RHBDL3: variants seen among roughly 807,000 people sequenced by gnomAD.
RHBDL3 encodes the protein rhomboid-related protein 3.
A neutral mutation model predicts 48.2 loss-of-function variants in RHBDL3; 28 were observed. The ratio of observed to expected loss-of-function variants is 0.58; its 90% CI spans 0.43 to 0.80. The LOEUF is 0.80. Ranked by LOEUF, RHBDL3 falls within the 30% of genes least tolerant of loss-of-function variation. The pLI is 0.00. For synonymous variants in RHBDL3, 208 were observed against 232.3 expected (o/e 0.90, Z 0.95); for missense variants, 464 against 542.7 (o/e 0.85, Z 1.44).
chr17:32,270,491 G>A (rs928534687), intron 2 of RHBDL3, among the ~76,000 whole-genome samples: 1 of 152,046 alleles, frequency 6.6e-6, no homozygotes, highest in Admixed American at 6.6e-5. Context: ...CATGGTGTTG[G>A]TCTTGTTGGT....
chr17:32,267,834 C>T, intron 1 of RHBDL3, 68 bp from the exon 2 acceptor site: 1 of 1,612,988 alleles, frequency 6.2e-7, no homozygotes, highest in South Asian at 1.1e-5. Flanking sequence ...CTACAGAGAC[C>T]TTGGTGATAA....
intron 2 of RHBDL3, among the ~76,000 whole-genome samples, chr17:32,273,906 T>G (rs569126764): frequency 1.7e-4 from 26 of 152,192 alleles, no homozygotes; most frequent in African/African-American, 5.1e-4. Flanking sequence ...TGGCTAATTT[T>G]TGTATTTTTA....
intron 7 of RHBDL3, among the ~76,000 whole-genome samples, chr17:32,305,710 C>A (rs1038023713): frequency 3.3e-5 from 5 of 152,120 alleles, no homozygotes; most frequent in Admixed American, 1.3e-4. Flanking sequence ...AAAGAGTTAA[C>A]ATTTGGTACC....
At chr17:32,285,974 T>G (rs2040190172) in intron 3 of RHBDL3, among the ~76,000 whole-genome samples, 1 of 152,070 alleles carries the variant, frequency 6.6e-6, no homozygotes, top group Non-Finnish European at 1.5e-5. Flanking sequence ...CTGTGGGGTT[T>G]TTAGGAGTGG....
chr17:32,291,554 G>A (rs1235266421), intron 4 of RHBDL3, among the ~76,000 whole-genome samples: 1 of 151,000 alleles, frequency 6.6e-6, no homozygotes, highest in African/African-American at 2.4e-5. Flanking sequence ...CATGGTGGGT[G>A]CCTGTAATCC....
Position 32,288,800 on chromosome 17 carries a change from C to G in RHBDL3, c.303C>G (p.Asn101Lys), listed in dbSNP as rs759146984. Residue 101 changes from asparagine to lysine, a missense_variant, in exon 4 of 9, where the codon AAC (asparagine) becomes AAG (lysine). By Grantham distance (94) the Asn-to-Lys change is moderately conservative. Transcript: ENST00000269051. ...GYQDFVSLMS[N>K]KRSNSFRQAI... ...CTCCATTTCCTGCACAGATGAGCAA[C>G]AAGCGTTCCAACAGCTTCCGCCAAG... The G allele has an allele frequency of 1.9e-6, 3 of 1,611,076 alleles. No homozygotes were observed. The highest frequency in any genetic ancestry group is 2.5e-6 in the Non-Finnish European group (3 of 1,178,692).
At chr17:32,310,719 A>G (rs552624175) in intron 7 of RHBDL3, among the ~76,000 whole-genome samples, 2 of 100,210 alleles carry the variant, frequency 2.0e-5, no homozygotes, top group South Asian at 5.7e-4. Flanking sequence ...TCTAAAAAAA[A>G]TATATATATA....
Position 32,321,284 on chromosome 17 carries a change from G to C in RHBDL3, c.*55G>C, listed in dbSNP as rs566932113. On this transcript the variant is annotated 3_prime_UTR_variant, in exon 9 of 9. Coordinates refer to ENST00000269051, the MANE Select transcript of RHBDL3 (RefSeq NM_138328.3). ...GGGAAAAGCAGCACCCACAGGGAGC[G>C]CCTGCGAGGTTTCTTCTCATCACCA... 8 of 1,610,060 alleles carry C rather than the reference G, an allele frequency of 5.0e-6. No homozygotes were observed. In the South Asian group the frequency reaches 7.7e-5, roughly 16 times the overall value.
At chr17:32,286,865 G>C (rs2040209975) in intron 3 of RHBDL3, among the ~76,000 whole-genome samples, 1 of 152,200 alleles carries the variant, frequency 6.6e-6, no homozygotes, top group African/African-American at 2.4e-5. Context: ...TGCCCACCAA[G>C]GCCTGGCATG....
chr17:32,297,325 G>A (rs1005669612), intron 5 of RHBDL3, among the ~76,000 whole-genome samples: 9 of 152,092 alleles, frequency 5.9e-5, no homozygotes, highest in South Asian at 2.1e-4. Context: ...AAAATTAGCC[G>A]GGCATGGTGG....
At chr17:32,289,859 T>G (rs2040286063) in intron 4 of RHBDL3, among the ~76,000 whole-genome samples, 1 of 152,228 alleles carries the variant, frequency 6.6e-6, no homozygotes, top group Non-Finnish European at 1.5e-5. Flanking sequence ...CATATGTTCT[T>G]GTAAAGTTCC....
chr17:32,271,572 C>T (rs1276203180), intron 2 of RHBDL3, among the ~76,000 whole-genome samples: 1 of 152,168 alleles, frequency 6.6e-6, no homozygotes, highest in Non-Finnish European at 1.5e-5. Context: ...GGGACCAGAG[C>T]CCAGTTAACC....
chr17:32,305,443 T>G lies in RHBDL3; in HGVS notation c.882+2T>G, dbSNP rs867201553. On this transcript the variant is annotated splice_donor_variant, in intron 7 of 8. Transcript: ENST00000269051. LOFTEE classifies it high-confidence loss of function. The stretch of plus-strand genomic sequence containing the variant: ...GCCCATCTGGCCAACATTGTCATGG[T>G]GAGCACCTCCCGTTCTCAATGTGTC... The G allele has an allele frequency of 1.3e-6, 2 of 1,590,312 alleles. No individual in the cohort carries two copies. The highest frequency in any genetic ancestry group is 1.1e-5 in the South Asian group (1 of 90,596).
intron 6 of RHBDL3, among the ~76,000 whole-genome samples, chr17:32,298,649 A>G (rs2150731485): frequency 6.6e-6 from 1 of 152,366 alleles, no homozygotes; most frequent in East Asian, 1.9e-4. Context: ...TGAGATCCCC[A>G]CAGGGGAATC....
intron 6 of RHBDL3, among the ~76,000 whole-genome samples, chr17:32,304,592 G>A (rs976719578): frequency 3.9e-5 from 6 of 152,224 alleles, no homozygotes; most frequent in African/African-American, 1.4e-4. Flanking sequence ...AAGAAAGTCT[G>A]TAAAATGTTT....
chr17:32,319,576 TGCGGAGG>T (rs1214971640), intron 8 of RHBDL3, among the ~76,000 whole-genome samples: 1 of 151,520 alleles, frequency 6.6e-6, no homozygotes, highest in Non-Finnish European at 1.5e-5. Flanking sequence ...GGAGTGGGAG[TGCGGAGG>T]GCGGAGGGTC....
intron 2 of RHBDL3, among the ~76,000 whole-genome samples, chr17:32,275,902 G>A (rs151078307): frequency 4.1e-4 from 62 of 152,238 alleles, no homozygotes; most frequent in African/African-American, 1.4e-3. Flanking sequence ...CAGGGGAGTA[G>A]GGGTCACAAG....
At chr17:32,306,436 T>C (rs1019313560) in intron 7 of RHBDL3, among the ~76,000 whole-genome samples, 3 of 151,980 alleles carry the variant, frequency 2.0e-5, no homozygotes, top group Middle Eastern at 3.4e-3. Flanking sequence ...AAAAAACAGT[T>C]GTTCCCCTAT....
intron 7 of RHBDL3, among the ~76,000 whole-genome samples, chr17:32,306,746 C>T (rs758183434): frequency 5.9e-5 from 9 of 152,094 alleles, no homozygotes. Context: ...CATGGTGAAA[C>T]TCCATCTCTA....
Sources: allele counts gnomAD v4.1 joint callset (sites outside exome capture counted in the v4.1 genomes callset), GRCh38; gene constraint gnomAD v4.1.1; transcripts MANE v1.5; gene names NCBI Gene and HGNC (gene_info 2026-07-23, HGNC 2026-07-21).